Variants in PTPRM observed in about 807,000 individuals in gnomAD.
PTPRM encodes the protein protein tyrosine phosphatase receptor type M.
Under a neutral mutation model 186.7 loss-of-function variants are expected in PTPRM, and 47 were observed. The observed-to-expected ratio is 0.25, with a 90% CI of 0.20 to 0.32. The LOEUF is 0.32. Among genes scored for constraint, PTPRM ranks in the 10% least tolerant of loss-of-function variants. The pLI, the probability that PTPRM is intolerant of heterozygous loss-of-function variation, is 1.00. For missense variants in PTPRM, 1,494 were observed against 1,865.0 expected (o/e 0.80, Z 3.66); for synonymous variants, 668 against 674.9 (o/e 0.99, Z 0.16).
At chr18:7,999,089 C>T (rs2083714111) in intron 7 of PTPRM, among the ~76,000 whole-genome samples, 1 of 152,166 alleles carries the variant, frequency 6.6e-6, no homozygotes, top group Non-Finnish European at 1.5e-5. Flanking sequence ...ATTGGCAGCT[C>T]AGGACACAGG....
intron 1 of PTPRM, among the ~76,000 whole-genome samples, chr18:7,696,453 G>C (rs2039845682): frequency 6.6e-6 from 1 of 152,162 alleles, no homozygotes; most frequent in South Asian, 2.1e-4. Flanking sequence ...ATTTGAATCA[G>C]ATTTATCACT....
At chr18:8,394,401 C>T in intron 31 of PTPRM, 75 bp from the exon 32 acceptor site, 3 of 1,480,778 alleles carry the variant, frequency 2.0e-6, no homozygotes, top group South Asian at 2.8e-5. Context: ...GTTTAGACAG[C>T]TTGTTTCCAC....
intron 2 of PTPRM, among the ~76,000 whole-genome samples, chr18:7,790,450 G>A (rs923435938): frequency 2.6e-5 from 4 of 152,154 alleles, no homozygotes; most frequent in Non-Finnish European, 5.9e-5. Context: ...GGTTTTCTGG[G>A]ATCAGCATAG....
chr18:7,681,536 G>A (rs546471948), intron 1 of PTPRM, among the ~76,000 whole-genome samples: 2 of 151,368 alleles, frequency 1.3e-5, no homozygotes, highest in African/African-American at 2.4e-5. Context: ...TCTCTGCTCA[G>A]TACTCTTTCA....
intron 14 of PTPRM, among the ~76,000 whole-genome samples, chr18:8,152,822 G>C (rs1218423936): frequency 6.9e-6 from 1 of 144,570 alleles, no homozygotes; most frequent in Non-Finnish European, 1.5e-5. Context: ...GGTTCAAGCA[G>C]TTCTTCTGCC....
At position 8,272,918 on chromosome 18, in the gene PTPRM, T is replaced by C. The variant is rs1033950719; in HGVS notation, c.2754+19504T>C. On this transcript the variant is annotated intron_variant, in intron 19 of 32. Coordinates refer to ENST00000580170, the MANE Select transcript of PTPRM (RefSeq NM_001105244.2). Reference sequence around the variant, plus strand: ...GGAAAATACAAGTTTAGAATTGCTATCTTTTAAAGTGAATTTAACATTTTA... The same window carrying C: ...GGAAAATACAAGTTTAGAATTGCTACCTTTTAAAGTGAATTTAACATTTTA... 2.6e-5 allele frequency among the ~76,000 whole-genome samples: 4 copies of C among 152,290 alleles called. No individual in the cohort carries two copies. The East Asian group carries it at 7.7e-4, about 29-fold the overall frequency.
At chr18:7,708,927 T>C (rs2040153731) in intron 1 of PTPRM, among the ~76,000 whole-genome samples, 1 of 152,146 alleles carries the variant, frequency 6.6e-6, no homozygotes, top group African/African-American at 2.4e-5. Context: ...GAAAAATGTG[T>C]TCAGGTTTGC....
intron 5 of PTPRM, among the ~76,000 whole-genome samples, chr18:7,931,536 A>C (rs953942338): frequency 6.6e-6 from 1 of 152,184 alleles, no homozygotes; most frequent in South Asian, 2.1e-4. Context: ...CCCTGTCTCT[A>C]CTGAAAATAC....
rs1168701219 is a variant in PTPRM at position 8,316,373 on chromosome 18, T to C, written c.2919+1516T>C. Among the ~76,000 whole-genome samples the C allele has an allele frequency of 2.6e-5, 4 of 152,318 alleles. No individual in the cohort carries two copies. In the East Asian group the frequency reaches 7.7e-4, roughly 29 times the overall value. On this transcript the variant is annotated intron_variant, in intron 21 of 32. Transcript: ENST00000580170. ...ATCAGATTAGGCATCATAGAGGATG[T>C]AATTTGAATAAGCTTTAACCGGTGA...
chr18:7,935,632 C>T (rs1003113495), intron 5 of PTPRM, among the ~76,000 whole-genome samples: 2 of 152,228 alleles, frequency 1.3e-5, no homozygotes, highest in East Asian at 1.9e-4. Context: ...CTCCTGGCCT[C>T]GACTTGAAAT....
intron 1 of PTPRM, among the ~76,000 whole-genome samples, chr18:7,605,109 G>A (rs139663235): frequency 1.1e-3 from 166 of 152,222 alleles, no homozygotes; most frequent in Admixed American, 3.3e-3. Context: ...TGGCTTCCCT[G>A]GGCCGTGTTG....
chr18:7,721,032 T>G (rs1328742517), intron 1 of PTPRM, among the ~76,000 whole-genome samples: 1 of 152,158 alleles, frequency 6.6e-6, no homozygotes, highest in Non-Finnish European at 1.5e-5. Flanking sequence ...TTTAAACTTT[T>G]TGAGGGACTT....
chr18:7,786,669 C>T (rs573268760), intron 2 of PTPRM, among the ~76,000 whole-genome samples: 11 of 152,258 alleles, frequency 7.2e-5, no homozygotes, highest in Non-Finnish European at 1.2e-4. Flanking sequence ...CTGTTGAAGA[C>T]GCATCCTATT....
chr18:8,329,068 A>G (rs2095396094), intron 22 of PTPRM, among the ~76,000 whole-genome samples: 1 of 152,262 alleles, frequency 6.6e-6, no homozygotes. Context: ...AAATTAATAC[A>G]GAATAATTTG....
At chr18:8,197,183 C>T (rs968932958) in intron 14 of PTPRM, among the ~76,000 whole-genome samples, 1 of 152,076 alleles carries the variant, frequency 6.6e-6, no homozygotes, top group East Asian at 1.9e-4. Context: ...TCTTTATGAG[C>T]GTTAGGCCAA....
chr18:8,387,045 C>A (rs1339739915), intron 30 of PTPRM, 27 bp from the exon 31 acceptor site: 2 of 1,561,692 alleles, frequency 1.3e-6, no homozygotes, highest in Admixed American at 1.7e-5. Flanking sequence ...TCTTTCCACT[C>A]CCCGATTGTT....
rs1301484102 is a variant in PTPRM, at chr18:7,744,131, TG to T, written c.74-30017del. On this transcript the variant is annotated intron_variant, in intron 1 of 32. Coordinates refer to ENST00000580170, the MANE Select transcript of PTPRM (RefSeq NM_001105244.2). ...AGTGAAAACTAAGTAAAATCAGGTT[TG>T]AAAAAATTAGACCACATATCTCTAC... 7.2e-5 allele frequency among the ~76,000 whole-genome samples: 11 copies of T among 152,138 alleles called. 1 individual carries two copies.
chr18:7,771,725 G>A (rs1598615939), intron 1 of PTPRM, among the ~76,000 whole-genome samples: 1 of 152,274 alleles, frequency 6.6e-6, no homozygotes, highest in Non-Finnish European at 1.5e-5. Flanking sequence ...GCTCCTTGAT[G>A]CTATCCTGTT....
At chr18:8,186,325 C>CA (rs5822996) in intron 14 of PTPRM, among the ~76,000 whole-genome samples, 2,059 of 94,596 alleles carry the variant, frequency 0.022, 57 homozygotes, top group African/African-American at 0.07. Flanking sequence ...TACTCCATCT[C>CA]AAAAAAAAAA....
Sources: allele counts gnomAD v4.1 joint callset (sites outside exome capture counted in the v4.1 genomes callset), GRCh38; gene constraint gnomAD v4.1.1; transcripts MANE v1.5; gene names NCBI Gene and HGNC (gene_info 2026-07-23, HGNC 2026-07-21).